KCNH6: variants seen among roughly 807,000 people sequenced by gnomAD.
KCNH6 encodes voltage-gated inwardly rectifying potassium channel KCNH6.
In KCNH6, 81 loss-of-function variants were observed where a neutral mutation model predicts 83.4. The observed-to-expected ratio is 0.97, with a 90% CI of 0.81 to 1.17. The LOEUF is 1.17. Among genes scored for constraint, KCNH6 ranks in the 50% most tolerant of loss-of-function variants. KCNH6 has a pLI of 0.00. For missense variants in KCNH6, 1,203 were observed against 1,290.5 expected (o/e 0.93, Z 1.04); for synonymous variants, 503 against 545.6 (o/e 0.92, Z 1.09).
intron 2 of KCNH6, among the ~76,000 whole-genome samples, chr17:63,525,260 T>C (rs1296812677): frequency 6.6e-6 from 1 of 152,208 alleles, no homozygotes; most frequent in Non-Finnish European, 1.5e-5. Flanking sequence ...AATCCCTTCA[T>C]TTCATAGATG....
intron 10 of KCNH6, 63 bp downstream of exon 10, chr17:63,543,723 C>T (rs2033000500): frequency 1.0e-6 from 1 of 979,464 alleles, no homozygotes; most frequent in Non-Finnish European, 1.7e-6. Flanking sequence ...CTACCCCTCC[C>T]ATGTCCTCTC....
In KCNH6 at chr17:63,542,341, C is replaced by G; in HGVS notation, c.2055C>G (p.Ile685Met). Residue 685 changes from isoleucine to methionine, a missense_variant, in exon 9 of 13, where the codon ATC (isoleucine) becomes ATG (methionine). Coordinates refer to ENST00000314672, the MANE Select transcript of KCNH6 (RefSeq NM_001278919.2). The part of the protein sequence containing the change: ...RALTYCDLHK[I>M]QRADLLEVLD... ...TGACCTACTGCGACCTGCACAAGAT[C>G]CAGCGGGCAGATCTGCTGGAGGTGC... 2 of 1,614,180 alleles carry G rather than the reference C, an allele frequency of 1.2e-6. No homozygotes were observed. Among genetic ancestry groups the G allele is most frequent in the Non-Finnish European group, 1.7e-6 (2 of 1,180,042 alleles).
chr17:63,527,720 T>C (rs542305513), intron 2 of KCNH6, among the ~76,000 whole-genome samples: 1 of 152,254 alleles, frequency 6.6e-6, no homozygotes, highest in African/African-American at 2.4e-5. Flanking sequence ...ATGGTACAGT[T>C]ACCCACTTTT....
rs201002861 is a variant in KCNH6, at chr17:63,530,078, A to G, written c.308-13A>G. 2.9e-4 allele frequency: 468 copies of G among 1,612,164 alleles called. 1 individual carries two copies. The highest frequency in any genetic ancestry group is 2.6e-3 in the Middle Eastern group (13 of 4,938). ...TCAGGGCCCACCCCCCATCCTCCCAATGGTGTTCGCAGCCTCCAGCTTCCG... is the reference window on the plus strand; with the variant it reads ...TCAGGGCCCACCCCCCATCCTCCCAGTGGTGTTCGCAGCCTCCAGCTTCCG... On this transcript the variant is annotated splice_polypyrimidine_tract_variant and intron_variant, in intron 2 of 12. Coordinates refer to ENST00000314672, the MANE Select transcript of KCNH6 (RefSeq NM_001278919.2).
rs778276731 is a variant in KCNH6 at position 63,534,060 on chromosome 17, G to A, written c.850G>A (p.Asp284Asn). The change falls in exon 5 of 13, where the codon GAT becomes AAT. Residue 284 changes from aspartate to asparagine, a missense_variant. By Grantham distance (23) the Asp-to-Asn change is conservative. Transcript: ENST00000314672. The surrounding 1 kb of genome is among the most constrained non-coding windows in gnomAD (Gnocchi z 5.0). ...TPYSAAFLLSDQDESRRGACS... is the reference protein window; with the variant it reads ...TPYSAAFLLSNQDESRRGACS... ...CTACTCAGCCGCCTTCCTGCTCAGC[G>A]ATCAGGACGAATCACGGCGTGGGGC... is the stretch of plus-strand genomic sequence containing the variant. 66 of 1,614,134 alleles carry A rather than the reference G, an allele frequency of 4.1e-5. No individual in the cohort carries two copies. The highest frequency in any genetic ancestry group is 5.3e-5 in the Non-Finnish European group (63 of 1,180,006).
At chr17:63,529,834 C>T (rs1047747837) in intron 2 of KCNH6, among the ~76,000 whole-genome samples, 1 of 152,198 alleles carries the variant, frequency 6.6e-6, no homozygotes, top group African/African-American at 2.4e-5. Flanking sequence ...GATGGCCGAG[C>T]GTGGACTTGG....
chr17:63,524,988 C>T (rs977905384), intron 2 of KCNH6, among the ~76,000 whole-genome samples: 3 of 152,154 alleles, frequency 2.0e-5, no homozygotes, highest in African/African-American at 7.2e-5. Flanking sequence ...CCCCCACCCC[C>T]CAGGACCACA....
rs763527866 is a variant in KCNH6 at position 63,523,519 on chromosome 17, C to T, written c.76+30C>T. On this transcript the variant is annotated intron_variant, in intron 1 of 12. Transcript: ENST00000314672. The surrounding 1 kb of genome is among the most constrained non-coding windows in gnomAD (Gnocchi z 4.2). ...GTGTGTGTATGTTGGGGCGGGGGGA[C>T]GATCTGGAGTCCTGGTTCCGTGAAA... The T allele has an allele frequency of 2.5e-6, 4 of 1,577,004 alleles. No homozygotes were observed. Among genetic ancestry groups the T allele is most frequent in the South Asian group, 1.1e-5 (1 of 88,448 alleles).
intron 8 of KCNH6, among the ~76,000 whole-genome samples, chr17:63,540,377 A>G (rs997213913): frequency 6.6e-6 from 1 of 152,084 alleles, no homozygotes; most frequent in Non-Finnish European, 1.5e-5. Context: ...AATTGCAGTA[A>G]ACCAAGATCA....
chr17:63,532,816 G>A (rs1197570250), intron 4 of KCNH6, among the ~76,000 whole-genome samples: 3 of 152,214 alleles, frequency 2.0e-5, no homozygotes, highest in African/African-American at 7.2e-5. Context: ...CTTGTCTGGA[G>A]CAGTGTCTGA....
rs1207806913 is a variant in KCNH6, at chr17:63,542,450, G to A, written c.2148+16G>A. 6.2e-6 allele frequency: 10 copies of A among 1,609,534 alleles called. No homozygotes were observed. The highest frequency in any genetic ancestry group is 2.2e-5 in the East Asian group (1 of 44,722). ...CCTGCGGGACGTGAGTCAGGGCCAG[G>A]TGGGCCAGGGTGGGTGGAAATGCCC... On this transcript the variant is annotated intron_variant, in intron 9 of 12. Transcript: ENST00000314672.
At chr17:63,528,561 C>T (rs1355544715) in intron 2 of KCNH6, among the ~76,000 whole-genome samples, 1 of 152,184 alleles carries the variant, frequency 6.6e-6, no homozygotes, top group Non-Finnish European at 1.5e-5. Context: ...AGTGATACTC[C>T]CACCAGCGGC....
In KCNH6 at chr17:63,545,166, G is replaced by A. The variant is rs1365771163; in HGVS notation, c.2485G>A (p.Glu829Lys). 6.2e-7 allele frequency: 1 copy of A among 1,613,848 alleles called. No homozygotes were observed. Among genetic ancestry groups the A allele is most frequent in the South Asian group, 1.1e-5 (1 of 91,088 alleles). The part of the protein sequence containing the change: ...MPQGHASYIL[E>K]APASNDLALV... ...CCAGGGCCACGCCAGCTACATTCTG[G>A]AAGCCCCTGCCTCCAATGACCTGGC... Residue 829 changes from glutamate (E) to lysine (K), a missense_variant, in exon 12 of 13, where the codon GAA (glutamate) becomes AAA (lysine). Glu to Lys is a moderately conservative substitution (Grantham distance 56). Transcript: ENST00000314672.
Position 63,535,706 on chromosome 17 carries a change from T to A in KCNH6, c.1139T>A (p.Leu380Gln), listed in dbSNP as rs1471461984. The A allele has an allele frequency of 6.2e-7, 1 of 1,613,066 alleles. No homozygotes were observed. The highest frequency in any genetic ancestry group is 8.5e-7 in the Non-Finnish European group (1 of 1,179,544). ...ATTGGGCTATTGAAGACAGCGCGGC[T>A]GCTGCGGCTGGTGCGCGTAGCACGG... ...TLIGLLKTARLLRLVRVARKL... is the reference protein window; with the variant it reads ...TLIGLLKTARQLRLVRVARKL... Residue 380 changes from leucine to glutamine, a missense_variant, in exon 6 of 13, where the codon CTG (leucine) becomes CAG (glutamine). Physicochemically the swap from Leu to Gln is moderately radical, Grantham distance 113 (BLOSUM62 -2). Coordinates refer to ENST00000314672, the MANE Select transcript of KCNH6 (RefSeq NM_001278919.2). This position sits in a 1 kb window ranked among gnomAD's most constrained non-coding sequence, Gnocchi z 4.9.
In KCNH6 at chr17:63,533,469, G is replaced by A. The variant is rs2032255610; in HGVS notation, c.676-417G>A. Among the ~76,000 whole-genome samples, 1 of 151,970 alleles carries A rather than the reference G, an allele frequency of 6.6e-6. No individual in the cohort carries two copies. The highest frequency in any genetic ancestry group is 2.1e-4 in the South Asian group (1 of 4,826). ...TCCCATCAGGAACCCTGACCATAGGGAGCCTCCTAAGCTCACCAGAGAGGA... is the reference window on the plus strand; with the variant it reads ...TCCCATCAGGAACCCTGACCATAGGAAGCCTCCTAAGCTCACCAGAGAGGA... On this transcript the variant is annotated intron_variant, in intron 4 of 12. Coordinates refer to ENST00000314672, the MANE Select transcript of KCNH6 (RefSeq NM_001278919.2). The surrounding 1 kb of genome is among the most constrained non-coding windows in gnomAD (Gnocchi z 4.1).
rs748126001 is a variant in KCNH6, at chr17:63,542,305, C to T, written c.2019C>T (p.Asp673=). The change falls in exon 9 of 13, where the codon GAC becomes GAT. Residue 673 remains aspartate, a synonymous_variant. Coordinates refer to ENST00000314672, the MANE Select transcript of KCNH6 (RefSeq NM_001278919.2). Reference sequence around the variant, plus strand: ...CCCAGCCAGGCAAGTCCAGTGCAGACGTGCGGGCTCTGACCTACTGCGACC... The same window carrying T: ...CCCAGCCAGGCAAGTCCAGTGCAGATGTGCGGGCTCTGACCTACTGCGACC... ...LHAQPGKSSA[D]VRALTYCDLH... is the part of the protein sequence containing the mutation. The T allele has an allele frequency of 9.9e-6, 16 of 1,614,034 alleles. No individual in the cohort carries two copies. The highest frequency in any genetic ancestry group is 1.6e-4 in the Middle Eastern group (1 of 6,084).
At chr17:63,547,163 C>T (rs1052994251), downstream of KCNH6, among the ~76,000 whole-genome samples, 2 of 152,082 alleles carry the variant, frequency 1.3e-5, no homozygotes, top group African/African-American at 4.8e-5. Context: ...GATCTAGGTG[C>T]TGGTTACAGG....
rs1568088202 is a variant in KCNH6 at position 63,543,667 on chromosome 17, AAAGCCAGCC to A, written c.2233+8_2233+16del. ...CTCAGTGACAACCAGTCAGGTGAGCAAAGCCAGCCCCCACCCCCACCAGCCTGTAGCCCC... is the reference window on the plus strand; with the variant it reads ...CTCAGTGACAACCAGTCAGGTGAGCACCCACCCCCACCAGCCTGTAGCCCC... On this transcript the variant is annotated splice_region_variant and intron_variant, in intron 10 of 12. Transcript: ENST00000314672. The A allele has an allele frequency of 2.5e-6, 4 of 1,597,498 alleles. No individual in the cohort carries two copies. Among genetic ancestry groups the A allele is most frequent in the Non-Finnish European group, 3.4e-6 (4 of 1,165,848 alleles).
rs2032614133 is a variant in KCNH6, at chr17:63,538,072, G to A, written c.1509G>A (p.Met503Ile). The A allele has an allele frequency of 3.1e-6, 5 of 1,613,224 alleles. No homozygotes were observed. In the Admixed American group the frequency reaches 5.0e-5, roughly 16 times the overall value. ...SICVMLIGSL[M>I]YASIFGNVSA... is the part of the protein sequence containing the mutation. Reference sequence around the variant, plus strand: ...TCTCCGCCCCGCCCCCAGCCCTGATGTACGCCAGCATCTTCGGGAACGTGT... The same window carrying A: ...TCTCCGCCCCGCCCCCAGCCCTGATATACGCCAGCATCTTCGGGAACGTGT... Residue 503 changes from methionine (M) to isoleucine (I), a missense_variant, in exon 7 of 13, where the codon ATG (methionine) becomes ATA (isoleucine). Coordinates refer to ENST00000314672, the MANE Select transcript of KCNH6 (RefSeq NM_001278919.2). This position sits in a 1 kb window ranked among gnomAD's most constrained non-coding sequence, Gnocchi z 4.0.
Sources: gnomAD v4.1 joint callset for allele counts (sites outside exome capture counted in the v4.1 genomes callset) on GRCh38, gnomAD v4.1.1 for gene constraint, Gnocchi (gnomAD v3.1) non-coding constraint, MANE v1.5 for transcripts, NCBI Gene and HGNC (gene_info 2026-07-23, HGNC 2026-07-21) for gene names.